Variants in AHCYL2 observed in about 807,000 individuals in gnomAD.
AHCYL2 encodes the protein S-adenosylhomocysteine hydrolase-like protein 2.
AHCYL2 carries 28 observed loss-of-function variants against 81.4 expected under a neutral mutation model. That is an observed-to-expected ratio of 0.34 (90% confidence interval 0.25 to 0.47). The LOEUF is 0.47. Among genes scored for constraint, AHCYL2 ranks in the 20% least tolerant of loss-of-function variants. The probability of loss-of-function intolerance (pLI) is 1.00; values close to 1 mark genes in which losing one functional copy is unlikely to be tolerated. For synonymous variants in AHCYL2, 272 were observed against 290.2 expected (o/e 0.94, Z 0.64); for missense variants, 551 against 785.1 (o/e 0.70, Z 3.56).
intron 1 of AHCYL2, among the ~76,000 whole-genome samples, chr7:129,237,006 T>G (rs752202696): frequency 9.2e-5 from 14 of 152,188 alleles, no homozygotes; most frequent in Non-Finnish European, 2.1e-4. Flanking sequence ...TTAGGAATTC[T>G]TTATATATTC....
At chr7:129,256,549 A>ACCCCCCCCCCC (rs58653086) in intron 1 of AHCYL2, among the ~76,000 whole-genome samples, 2 of 63,744 alleles carry the variant, frequency 3.1e-5, no homozygotes, top group African/African-American at 1.4e-4. Flanking sequence ...CCCACCCCCC[A>ACCCCCCCCCCC]CCCCCCCCCC....
At chr7:129,277,592 A>G (rs1047502820) in intron 1 of AHCYL2, among the ~76,000 whole-genome samples, 3 of 151,966 alleles carry the variant, frequency 2.0e-5, no homozygotes, top group Non-Finnish European at 4.4e-5. Context: ...TCCTGTCTCT[A>G]CCACCCAGTT....
At position 129,419,733 on chromosome 7, in the gene AHCYL2, G is replaced by GAA. The variant is rs1170349810; in HGVS notation, c.1462-3096_1462-3095dup. ...GACTAGAACTACAGTTGTTCTCCCT[G>GAA]AAAAAAAAAAAACAAAAAAAAACCG... is the stretch of plus-strand genomic sequence containing the variant. On this transcript the variant is annotated intron_variant, in intron 12 of 16. Coordinates refer to ENST00000325006, the MANE Select transcript of AHCYL2 (RefSeq NM_015328.4). This position sits in a 1 kb window ranked among gnomAD's most constrained non-coding sequence, Gnocchi z 4.7. Among the ~76,000 whole-genome samples the GAA allele has an allele frequency of 1.6e-5, 2 of 127,748 alleles. No individual in the cohort carries two copies. Among genetic ancestry groups the GAA allele is most frequent in the Admixed American group, 7.9e-5 (1 of 12,704 alleles). The allele number at this position is 127,748 out of a possible 152,430, so 83.8% of individuals were successfully genotyped here.
At chr7:129,420,556 T>C (rs1418975989) in intron 12 of AHCYL2, among the ~76,000 whole-genome samples, 1 of 149,992 alleles carries the variant, frequency 6.7e-6, no homozygotes, top group African/African-American at 2.4e-5. Context: ...CTCAGCTCAC[T>C]GCAGACTCGA....
chr7:129,315,619 G>C (rs1473931232), intron 1 of AHCYL2, among the ~76,000 whole-genome samples: 1 of 152,202 alleles, frequency 6.6e-6, no homozygotes, highest in East Asian at 1.9e-4. Flanking sequence ...AAACAAGACT[G>C]TGAGTTGCTT....
chr7:129,233,973 G>A (rs1351294658), intron 1 of AHCYL2, among the ~76,000 whole-genome samples: 2 of 152,026 alleles, frequency 1.3e-5, no homozygotes, highest in Admixed American at 6.6e-5. Context: ...CACAGGTGCT[G>A]TAATCATTCT....
At chr7:129,365,653 A>ATATATATATATATATATATATAT (rs1563213815) in intron 1 of AHCYL2, among the ~76,000 whole-genome samples, 1 of 90,586 alleles carries the variant, frequency 1.1e-5, no homozygotes, top group Admixed American at 1.2e-4. Context: ...TATGGGTATG[A>ATATATATATATATATATATATAT]AGTGGATTGT....
rs149842992 is a variant in AHCYL2 at position 129,250,870 on chromosome 7, C to A, written c.363+25431C>A. Among the ~76,000 whole-genome samples the A allele has an allele frequency of 2.6e-4, 40 of 152,234 alleles. No individual in the cohort carries two copies. The East Asian group carries it at 7.7e-3, about 29-fold the overall frequency. ...TACCCTGTAAGTTTCTACTTTGAGT[C>A]CTTCAGTTTTTGAATTAGTCAAATT... On this transcript the variant is annotated intron_variant, in intron 1 of 16. Coordinates refer to ENST00000325006, the MANE Select transcript of AHCYL2 (RefSeq NM_015328.4).
At chr7:129,392,727 TCC>T (rs1795529751) in intron 4 of AHCYL2, among the ~76,000 whole-genome samples, 1 of 152,176 alleles carries the variant, frequency 6.6e-6, no homozygotes. Flanking sequence ...AATCCTTAGA[TCC>T]CACTGGAGTT....
chr7:129,289,477 C>T (rs1242023405), intron 1 of AHCYL2, among the ~76,000 whole-genome samples: 3 of 152,182 alleles, frequency 2.0e-5, no homozygotes, highest in Non-Finnish European at 2.9e-5. Flanking sequence ...TGATGATATT[C>T]TAGTTCTATT....
At position 129,293,666 on chromosome 7, in the gene AHCYL2, T is replaced by G. The variant is rs118091462; in HGVS notation, c.363+68227T>G. Among the ~76,000 whole-genome samples the G allele has an allele frequency of 3.1e-3, 478 of 152,178 alleles. 8 individuals carry two copies. In the East Asian group the frequency reaches 0.033, roughly 11 times the overall value. On this transcript the variant is annotated intron_variant, in intron 1 of 16. Transcript: ENST00000325006. ...AAAAAAAAAACCCCAAAAACTTATT[T>G]GAGGAAACCCAATACACACATAACA...
intron 1 of AHCYL2, among the ~76,000 whole-genome samples, chr7:129,373,645 G>A (rs1031598252): frequency 6.6e-6 from 1 of 152,012 alleles, no homozygotes; most frequent in Non-Finnish European, 1.5e-5. Flanking sequence ...TTGTTAAGTG[G>A]TAAGGCTTTT....
At chr7:129,269,124 G>A (rs1342181862) in intron 1 of AHCYL2, among the ~76,000 whole-genome samples, 1 of 118,890 alleles carries the variant, frequency 8.4e-6, no homozygotes, top group African/African-American at 3.0e-5. Context: ...TTTCCTAAAT[G>A]ATTCCTGTTT....
At chr7:129,294,780 A>G (rs567581016) in intron 1 of AHCYL2, among the ~76,000 whole-genome samples, 7 of 152,328 alleles carry the variant, frequency 4.6e-5, no homozygotes, top group South Asian at 2.1e-4. Flanking sequence ...TCCTGGGACT[A>G]TAACTTCATA....
chr7:129,294,641 TCCA>T (rs1262998213), intron 1 of AHCYL2, among the ~76,000 whole-genome samples: 4 of 152,234 alleles, frequency 2.6e-5, no homozygotes, highest in Admixed American at 6.5e-5. Context: ...TTAATCTATA[TCCA>T]CCACAACACT....
chr7:129,320,820 C>T (rs868657470), intron 1 of AHCYL2, among the ~76,000 whole-genome samples: 1 of 152,202 alleles, frequency 6.6e-6, no homozygotes, highest in Non-Finnish European at 1.5e-5. Flanking sequence ...CACTAACCTA[C>T]TTTCTGTCTC....
chr7:129,360,411 C>T (rs943856451), intron 1 of AHCYL2, among the ~76,000 whole-genome samples: 3 of 152,200 alleles, frequency 2.0e-5, no homozygotes, highest in Non-Finnish European at 2.9e-5. Flanking sequence ...CCACCACGCC[C>T]GGCCACTATT....
intron 1 of AHCYL2, among the ~76,000 whole-genome samples, chr7:129,292,117 T>C (rs1157022849): frequency 6.6e-6 from 1 of 152,212 alleles, no homozygotes; most frequent in Non-Finnish European, 1.5e-5. Flanking sequence ...TTGCAAATCT[T>C]GAACATTTTT....
In AHCYL2 at chr7:129,292,402, G is replaced by C. The variant is rs61672005; in HGVS notation, c.363+66963G>C. On this transcript the variant is annotated intron_variant, in intron 1 of 16. Coordinates refer to ENST00000325006, the MANE Select transcript of AHCYL2 (RefSeq NM_015328.4). ...TAGAGCCCACTGGTTGTCCAAAATT[G>C]CTTGCTGACTAGGGCTATATATCAT... is the stretch of plus-strand genomic sequence containing the variant. Among the ~76,000 whole-genome samples the C allele has an allele frequency of 3.4e-3, 517 of 152,296 alleles. 1 individual carries two copies. The highest frequency in any genetic ancestry group is 0.012 in the African/African-American group (500 of 41,566).
Sources: gnomAD v4.1 joint callset for allele counts (sites outside exome capture counted in the v4.1 genomes callset) on GRCh38, gnomAD v4.1.1 for gene constraint, Gnocchi (gnomAD v3.1) non-coding constraint, MANE v1.5 for transcripts, NCBI Gene and HGNC (gene_info 2026-07-23, HGNC 2026-07-21) for gene names.